Variants in MEF2C observed in about 807,000 individuals in gnomAD.
MEF2C encodes the protein myocyte-specific enhancer factor 2C.
Under a neutral mutation model 50.5 loss-of-function variants are expected in MEF2C, and 6 were observed. That is an observed-to-expected ratio of 0.12 (90% CI 0.07 to 0.23). The LOEUF (loss-of-function observed/expected upper bound fraction) is 0.23, where lower values mean the gene tolerates loss of function less well. Ranked by LOEUF, MEF2C falls within the 10% of genes least tolerant of loss-of-function variation. The pLI, the probability that MEF2C is intolerant of heterozygous loss-of-function variation, is 1.00. For synonymous variants in MEF2C, 183 were observed against 228.0 expected (o/e 0.80, Z 1.78); for missense variants, 276 against 605.0 (o/e 0.46, Z 5.70).
chr5:88,756,810 A>T (rs940491337), intron 4 of MEF2C, among the ~76,000 whole-genome samples: 2 of 152,054 alleles, frequency 1.3e-5, no homozygotes, highest in East Asian at 3.9e-4. Context: ...TGTCTAAAAA[A>T]TGAAAGCCAA....
intron 1 of MEF2C, among the ~76,000 whole-genome samples, chr5:88,882,144 TAATAA>T (rs1833072307): frequency 1.3e-5 from 2 of 152,218 alleles, no homozygotes; most frequent in Non-Finnish European, 2.9e-5. Context: ...CAATATTTAA[TAATAA>T]AATAAACAAT....
At chr5:88,873,720 T>A (rs1175117471) in intron 1 of MEF2C, among the ~76,000 whole-genome samples, 10 of 98,004 alleles carry the variant, frequency 1.0e-4, no homozygotes, top group African/African-American at 2.9e-4. Flanking sequence ...TTTTTTTTTT[T>A]TTTTTTTTTT....
chr5:88,862,032 C>A (rs1490126438), intron 1 of MEF2C, among the ~76,000 whole-genome samples: 1 of 152,180 alleles, frequency 6.6e-6, no homozygotes, highest in East Asian at 1.9e-4. Flanking sequence ...TCTTCCACCT[C>A]CCTCCACATG....
intron 1 of MEF2C, chr5:88,838,484 C>T: frequency 1.1e-6 from 1 of 871,428 alleles, no homozygotes. Context: ...GAAAAAGAAA[C>T]CCAAAAGAAT....
At chr5:88,881,134 T>C (rs1293054804) in intron 1 of MEF2C, 1 of 152,190 alleles carries the variant, frequency 6.6e-6, no homozygotes, top group Non-Finnish European at 1.5e-5. Context: ...CTACTGTCTC[T>C]TTGACGGGAG....
chr5:88,838,595 A>G (rs1330032216), intron 1 of MEF2C: 4 of 985,148 alleles, frequency 4.1e-6, no homozygotes, highest in South Asian at 4.7e-5. Context: ...AATTACACAG[A>G]TATCTCATCC....
intron 1 of MEF2C, among the ~76,000 whole-genome samples, chr5:88,832,166 C>T (rs1248431594): frequency 2.0e-5 from 3 of 152,056 alleles, no homozygotes; most frequent in Admixed American, 6.6e-5. Context: ...GAGGTACTAG[C>T]GAAAAAGAAT....
intron 1 of MEF2C, among the ~76,000 whole-genome samples, chr5:88,878,192 A>G (rs1369848904): frequency 6.6e-6 from 1 of 151,996 alleles, no homozygotes; most frequent in Non-Finnish European, 1.5e-5. Context: ...ATGAAGTTCA[A>G]TCTAGTGTCT....
At chr5:88,761,367 G>T (rs769602139) in intron 3 of MEF2C, 39 bp from the exon 4 acceptor site, 8 of 1,584,684 alleles carry the variant, frequency 5.0e-6, no homozygotes, top group Non-Finnish European at 6.9e-6. Context: ...CCTAGACAAA[G>T]GCTGTAAGAG....
At chr5:88,880,373 AAT>A in intron 1 of MEF2C, among the ~76,000 whole-genome samples, 1 of 152,274 alleles carries the variant, frequency 6.6e-6, no homozygotes, top group South Asian at 2.1e-4. Flanking sequence ...AATTCTGTTT[AAT>A]AACTATGTCT....
At chr5:88,724,681 C>A (rs1757875092) in intron 10 of MEF2C, among the ~76,000 whole-genome samples, 1 of 151,974 alleles carries the variant, frequency 6.6e-6, no homozygotes, top group Non-Finnish European at 1.5e-5. Flanking sequence ...ATTAAATAAG[C>A]CTTGTTAAAA....
chr5:88,847,010 T>C (rs2153365106), intron 1 of MEF2C, among the ~76,000 whole-genome samples: 1 of 152,350 alleles, frequency 6.6e-6, no homozygotes, highest in African/African-American at 2.4e-5. Context: ...AAATATTTTT[T>C]AAATGCAGGA....
intron 1 of MEF2C, among the ~76,000 whole-genome samples, chr5:88,881,522 A>T (rs1454909943): frequency 6.6e-6 from 1 of 152,222 alleles, no homozygotes; most frequent in African/African-American, 2.4e-5. Context: ...AAATTAAATA[A>T]GATGTTTTAG....
intron 1 of MEF2C, among the ~76,000 whole-genome samples, chr5:88,866,381 A>G (rs1196947092): frequency 6.6e-6 from 1 of 152,226 alleles, no homozygotes; most frequent in Non-Finnish European, 1.5e-5. Flanking sequence ...TATGGTAGCT[A>G]TTAATTTTGA....
intron 1 of MEF2C, among the ~76,000 whole-genome samples, chr5:88,894,772 G>T (rs947969105): frequency 5.3e-5 from 8 of 152,090 alleles, no homozygotes; most frequent in Non-Finnish European, 1.0e-4. Context: ...CTCGTAAAAG[G>T]TCTGGTATTT....
chr5:88,784,096 C>T (rs1789584555), intron 3 of MEF2C, among the ~76,000 whole-genome samples: 1 of 152,134 alleles, frequency 6.6e-6, no homozygotes, highest in African/African-American at 2.4e-5. Context: ...AATGAAATTG[C>T]TGTATTAATT....
rs1320099771 is a variant in MEF2C, at chr5:88,722,683, C to T, written c.1343G>A (p.Gly448Glu). Residue 448 changes from glycine (G) to glutamate (E), a missense_variant, in exon 11 of 11, where the codon GGA becomes GAA. This residue lies in a region of MEF2C where 256 missense variants were observed against 468.1 expected (regional missense o/e 0.55). Coordinates refer to ENST00000504921, the MANE Select transcript of MEF2C (RefSeq NM_002397.5). Reference sequence around the variant, plus strand: ...TTCGTCCGGCGAAGGTCTGGTGAGTCCAATGGGGGAGTGGAATTCGTTCCG... The same window carrying T: ...TTCGTCCGGCGAAGGTCTGGTGAGTTCAATGGGGGAGTGGAATTCGTTCCG... ...DHRNEFHSPI[G>E]LTRPSPDERE... 2 of 1,613,876 alleles carry T rather than the reference C, an allele frequency of 1.2e-6. No individual in the cohort carries two copies. Among genetic ancestry groups the T allele is most frequent in the Non-Finnish European group, 1.7e-6 (2 of 1,179,866 alleles).
chr5:88,901,695 C>G (rs1390416180), intron 1 of MEF2C, among the ~76,000 whole-genome samples: 1 of 151,700 alleles, frequency 6.6e-6, no homozygotes, highest in East Asian at 1.9e-4. Context: ...TAAACCATTC[C>G]CATACATTGA....
At position 88,881,199 on chromosome 5, in the gene MEF2C, G is replaced by T. The variant is rs568484046; in HGVS notation, c.-143+1756C>A. On this transcript the variant is annotated intron_variant, in intron 1 of 10. Transcript: ENST00000504921. ...AAGACTGTTTTGATGAAAACTTTTA[G>T]AATTGAGTTAGTAGCAGAATACATA... The T allele has an allele frequency of 2.6e-5, 4 of 152,246 alleles. No homozygotes were observed. In the East Asian group the frequency reaches 7.7e-4, roughly 29 times the overall value. The allele number at this position is 152,246 out of a possible 1,614,324, so 9.4% of individuals were successfully genotyped here.
Sources: gnomAD v4.1 joint callset for allele counts (sites outside exome capture counted in the v4.1 genomes callset) on GRCh38, gnomAD v4.1.1 for gene constraint, gnomAD v4.1.1 regional missense constraint, MANE v1.5 for transcripts, NCBI Gene and HGNC (gene_info 2026-07-23, HGNC 2026-07-21) for gene names.